SCLT1: variants seen among roughly 807,000 people sequenced by gnomAD.
SCLT1 encodes sodium channel and clathrin linker 1, also known as sodium channel-associated protein 1.
In SCLT1, 78 loss-of-function variants were observed where a neutral mutation model predicts 112.8. That is an observed-to-expected ratio of 0.69 (90% CI 0.58 to 0.83). The LOEUF is 0.83. SCLT1 is among the 40% of genes least tolerant of loss of function. The probability of loss-of-function intolerance (pLI) is 0.00; values close to 1 mark genes in which losing one functional copy is unlikely to be tolerated. For synonymous variants in SCLT1, 257 were observed against 254.7 expected, an observed-to-expected ratio of 1.01 and a Z score of -0.09; for missense variants, 747 against 770.4, an observed-to-expected ratio of 0.97 and a Z score of 0.36.
intron 1 of SCLT1, among the ~76,000 whole-genome samples, chr4:129,086,520 C>T (rs185326611): frequency 5.9e-5 from 9 of 152,218 alleles, no homozygotes; most frequent in African/African-American, 1.2e-4. Flanking sequence ...CAGTCACTTA[C>T]TAGCTCTGTT....
chr4:128,890,553 A>AT (rs1478761880), intron 19 of SCLT1, among the ~76,000 whole-genome samples: 1 of 152,208 alleles, frequency 6.6e-6, no homozygotes, highest in African/African-American at 2.4e-5. Flanking sequence ...TTAGAACATC[A>AT]AATGAAGAGA....
At chr4:128,985,717 T>C (rs1159426269) in intron 9 of SCLT1, among the ~76,000 whole-genome samples, 1 of 152,156 alleles carries the variant, frequency 6.6e-6, no homozygotes, top group Non-Finnish European at 1.5e-5. Flanking sequence ...TGGCTTGTAT[T>C]TAAATCTTTT....
At position 128,980,003 on chromosome 4, in the gene SCLT1, A is replaced by G. The variant is rs547358935; in HGVS notation, c.687-9535T>C. Reference sequence around the variant, plus strand: ...GGTGACAGTAATCCCTTTAAATAACATTAAAGTAAAACAGTGTGAAGAAAT... The same window carrying G: ...GGTGACAGTAATCCCTTTAAATAACGTTAAAGTAAAACAGTGTGAAGAAAT... On this transcript the variant is annotated intron_variant, in intron 9 of 20. Transcript: ENST00000281142. 3.9e-5 allele frequency among the ~76,000 whole-genome samples: 6 copies of G among 152,366 alleles called. No homozygotes were observed. In the South Asian group the frequency reaches 1.2e-3, roughly 32 times the overall value.
Position 128,896,097 on chromosome 4 carries a change from C to T in SCLT1, c.1830-4960G>A, listed in dbSNP as rs540858823. On this transcript the variant is annotated intron_variant, in intron 18 of 20. Transcript: ENST00000281142. ...AAGGAGGCCTGCCTGCCTCTGTAGG[C>T]TCCACCTCTGGGGGCAGGGCATTGC... Among the ~76,000 whole-genome samples, 9 of 79,430 alleles carry T rather than the reference C, an allele frequency of 1.1e-4. No homozygotes were observed. The East Asian group carries it at 3.2e-3, about 28-fold the overall frequency. The allele number at this position is 79,430 out of a possible 152,430, so 52.1% of individuals were successfully genotyped here. A position where few individuals can be genotyped will look rare whatever the true frequency, so the allele number is the denominator to read the frequency against.
chr4:129,071,657 T>A (rs933001532), intron 2 of SCLT1, among the ~76,000 whole-genome samples: 2 of 152,160 alleles, frequency 1.3e-5, no homozygotes, highest in African/African-American at 4.8e-5. Context: ...GAAATTATTT[T>A]TCCACCCCTT....
chr4:128,946,532 A>G (rs1738181101), intron 15 of SCLT1, among the ~76,000 whole-genome samples: 1 of 152,124 alleles, frequency 6.6e-6, no homozygotes, highest in South Asian at 2.1e-4. Context: ...GATCATGTCC[A>G]CTGTACTCCA....
intron 6 of SCLT1, among the ~76,000 whole-genome samples, chr4:129,003,508 T>C (rs1743713161): frequency 6.6e-6 from 1 of 151,856 alleles, no homozygotes; most frequent in Non-Finnish European, 1.5e-5. Flanking sequence ...GTCAAAATCT[T>C]TATGATTTTA....
rs951270916 is a variant in SCLT1 at position 128,961,774 on chromosome 4, T to C, written c.870-1997A>G. Reference sequence around the variant, plus strand: ...ACTCCCTACCAATCTGTTGCCACTTTAGTGTTTGGGGCTGAGGTTTCCAAA... The same window carrying C: ...ACTCCCTACCAATCTGTTGCCACTTCAGTGTTTGGGGCTGAGGTTTCCAAA... On this transcript the variant is annotated intron_variant, in intron 11 of 20. Transcript: ENST00000281142. Among the ~76,000 whole-genome samples the C allele has an allele frequency of 1.3e-5, 2 of 152,234 alleles. 1 individual carries two copies. Among genetic ancestry groups the C allele is most frequent in the Non-Finnish European group, 2.9e-5 (2 of 68,036 alleles).
intron 18 of SCLT1, 67 bp downstream of exon 18, chr4:128,936,588 G>T: frequency 1.1e-6 from 1 of 896,902 alleles, no homozygotes; most frequent in Non-Finnish European, 1.7e-6. Context: ...ATTATGGCAA[G>T]GACATTAAAC....
intron 10 of SCLT1, among the ~76,000 whole-genome samples, chr4:128,966,302 A>G (rs926838438): frequency 3.3e-5 from 5 of 151,952 alleles, no homozygotes; most frequent in Admixed American, 6.6e-5. Context: ...GCTTTTAGCT[A>G]TATCTGTTTG....
At chr4:129,051,466 G>T (rs1441269943) in intron 2 of SCLT1, among the ~76,000 whole-genome samples, 1 of 152,002 alleles carries the variant, frequency 6.6e-6, no homozygotes, top group Non-Finnish European at 1.5e-5. Flanking sequence ...GTATTCCTAG[G>T]TATTTTATTC....
chr4:128,914,348 A>G (rs1478418933), intron 18 of SCLT1, among the ~76,000 whole-genome samples: 1 of 152,016 alleles, frequency 6.6e-6, no homozygotes, highest in African/African-American at 2.4e-5. Flanking sequence ...TGGGCGAAAG[A>G]GCGAAACTCC....
intron 18 of SCLT1, among the ~76,000 whole-genome samples, chr4:128,932,578 C>T (rs1736861612): frequency 6.6e-6 from 1 of 151,954 alleles, no homozygotes; most frequent in Admixed American, 6.6e-5. Flanking sequence ...CCCATTTTTG[C>T]CACTTCTATT....
chr4:128,998,071 C>T lies in SCLT1; in HGVS notation c.550-132G>A, dbSNP rs1743161316. 3 of 411,018 alleles carry T rather than the reference C, an allele frequency of 7.3e-6. No homozygotes were observed. In the Admixed American group the frequency reaches 1.3e-4, roughly 18 times the overall value. 25.5% of individuals were successfully genotyped at this position (411,018 alleles called of 1,614,324 possible). A position where few individuals can be genotyped will look rare whatever the true frequency, so the allele number is the denominator to read the frequency against. On this transcript the variant is annotated intron_variant, in intron 7 of 20. Coordinates refer to ENST00000281142, the MANE Select transcript of SCLT1 (RefSeq NM_144643.4). The stretch of plus-strand genomic sequence containing the variant: ...ATAAAATTAGTAGTGTTTCTTATTA[C>T]TATTGTGTGAATTAGTAGTTGAAAA...
At chr4:128,901,653 C>A (rs953028846) in intron 18 of SCLT1, among the ~76,000 whole-genome samples, 8 of 151,718 alleles carry the variant, frequency 5.3e-5, no homozygotes, top group African/African-American at 1.9e-4. Context: ...CACATGTACC[C>A]TAAAACTTAA....
intron 18 of SCLT1, among the ~76,000 whole-genome samples, chr4:128,934,236 C>T (rs937136473): frequency 2.6e-5 from 4 of 151,882 alleles, no homozygotes; most frequent in Non-Finnish European, 5.9e-5. Context: ...CACCTCTTCA[C>T]TTTTAAAAAC....
intron 6 of SCLT1, among the ~76,000 whole-genome samples, chr4:129,002,839 G>T (rs1391594401): frequency 6.6e-6 from 1 of 152,118 alleles, no homozygotes; most frequent in African/African-American, 2.4e-5. Context: ...GTTGGTGGGA[G>T]TGTAAATTAG....
At chr4:128,952,149 C>T (rs930730774) in intron 14 of SCLT1, among the ~76,000 whole-genome samples, 1 of 152,088 alleles carries the variant, frequency 6.6e-6, no homozygotes, top group Non-Finnish European at 1.5e-5. Context: ...ATAGTTATTA[C>T]AAGATATGAT....
chr4:129,071,462 T>G (rs922951267), intron 2 of SCLT1, among the ~76,000 whole-genome samples: 1 of 152,224 alleles, frequency 6.6e-6, no homozygotes, highest in Non-Finnish European at 1.5e-5. Context: ...GAAGCTCCAG[T>G]GTTAGGTGCA....
Sources: allele counts gnomAD v4.1 joint callset (sites outside exome capture counted in the v4.1 genomes callset), GRCh38; gene constraint gnomAD v4.1.1; transcripts MANE v1.5; gene names NCBI Gene and HGNC (gene_info 2026-07-23, HGNC 2026-07-21).